DYRK1B: variants seen among roughly 807,000 people sequenced by gnomAD.
DYRK1B encodes dual specificity tyrosine-phosphorylation-regulated kinase 1B.
A neutral mutation model predicts 57.1 loss-of-function variants in DYRK1B; 20 were observed. The observed-to-expected ratio is 0.35, with a 90% CI of 0.25 to 0.51. DYRK1B has a LOEUF of 0.51. Ranked by LOEUF, DYRK1B falls within the 20% of genes least tolerant of loss-of-function variation. The pLI, the probability that DYRK1B is intolerant of heterozygous loss-of-function variation, is 0.96. For missense variants in DYRK1B, 732 were observed against 886.3 expected (o/e 0.83, Z 2.21); for synonymous variants, 409 against 384.7 (o/e 1.06, Z -0.74).
intron 1 of DYRK1B, chr19:39,833,375 C>T (rs1264121950): frequency 1.0e-6 from 1 of 984,842 alleles, no homozygotes; most frequent in Non-Finnish European, 1.2e-6. Flanking sequence ...AAAAGGCGAC[C>T]GCCTGTCTCT....
chr19:39,827,480 CCTCCAG>C, intron 7 of DYRK1B, 24 bp downstream of exon 7: 1 of 1,611,010 alleles, frequency 6.2e-7, no homozygotes, highest in African/African-American at 1.3e-5. Flanking sequence ...ACCCCCTCCA[CCTCCAG>C]CACACCCCTT....
At chr19:39,832,329 T>C (rs1315530058) in intron 1 of DYRK1B, among the ~76,000 whole-genome samples, 1 of 152,052 alleles carries the variant, frequency 6.6e-6, no homozygotes, top group African/African-American at 2.4e-5. Flanking sequence ...ACAGACAGTA[T>C]GCAGAGGAGT....
intron 1 of DYRK1B, among the ~76,000 whole-genome samples, chr19:39,832,638 G>A (rs537027271): frequency 5.3e-5 from 8 of 152,102 alleles, no homozygotes; most frequent in African/African-American, 1.9e-4. Context: ...ATAGAACAGA[G>A]TCCTATCTCT....
At position 39,825,946 on chromosome 19, in the gene DYRK1B, T is replaced by C. The variant is rs760112217; in HGVS notation, c.1659A>G (p.Pro553=). Residue 553 remains proline, a synonymous_variant, in exon 11 of 11, where the codon CCA becomes CCG. Coordinates refer to ENST00000323039, the MANE Select transcript of DYRK1B (RefSeq NM_004714.3). ...CCGGGGGTGGTGGTGAGGTTGGTGA[T>C]GGGGGACGACCAAGGTATCGGGGCT... ...PPQPRYLGRP[P]SPTSPPPPEL... is the part of the protein sequence containing the mutation. 1.6e-5 allele frequency: 24 copies of C among 1,467,450 alleles called. No individual in the cohort carries two copies. Among genetic ancestry groups the C allele is most frequent in the Non-Finnish European group, 2.1e-5 (23 of 1,110,888 alleles). The allele number at this position is 1,467,450 out of a possible 1,614,324, so 90.9% of individuals were successfully genotyped here. A position where few individuals can be genotyped will look rare whatever the true frequency, so the allele number is the denominator to read the frequency against.
intron 1 of DYRK1B, chr19:39,833,293 C>T: frequency 1.2e-5 from 12 of 985,412 alleles, no homozygotes; most frequent in Non-Finnish European, 1.4e-5. Flanking sequence ...GCGGGGCCCA[C>T]GGGGGGCTGG....
intron 2 of DYRK1B, 89 bp from the exon 3 acceptor site, chr19:39,830,872 T>C: frequency 7.0e-7 from 1 of 1,437,492 alleles, no homozygotes; most frequent in Non-Finnish European, 9.3e-7. Flanking sequence ...TGGCACATCA[T>C]GTATTTGGTT....
chr19:39,829,841 A>G, intron 5 of DYRK1B, 39 bp downstream of exon 5: 1 of 1,605,364 alleles, frequency 6.2e-7, no homozygotes, highest in Non-Finnish European at 8.5e-7. Context: ...AGCTCCCGCT[A>G]TCCCAGGTGC....
At position 39,827,299 on chromosome 19, in the gene DYRK1B, T is replaced by C. The variant is rs760289630; in HGVS notation, c.1081A>G (p.Lys361Glu). ...AGGGGCCGCACCTTCCTGAGTTCTT[T>C]CGTCCTTCGTAGGGTCCAGCCACCC... ...PGGGWTLRRT[K>E]ELRKDYQGPG... Residue 361 changes from lysine (K) to glutamate (E), a missense_variant, in exon 8 of 11, where the codon AAA (lysine) becomes GAA (glutamate). Physicochemically the swap from Lys to Glu is moderately conservative, Grantham distance 56 (BLOSUM62 1). This residue lies in a region of DYRK1B where 510 missense variants were observed against 681.3 expected (regional missense o/e 0.75). Coordinates refer to ENST00000323039, the MANE Select transcript of DYRK1B (RefSeq NM_004714.3). 3.7e-6 allele frequency: 6 copies of C among 1,611,546 alleles called. No individual in the cohort carries two copies. In the African/African-American group the frequency reaches 8.0e-5, roughly 22 times the overall value.
Position 39,830,480 on chromosome 19 carries a change from G to A in DYRK1B, c.267C>T (p.Asn89=). The A allele has an allele frequency of 6.2e-7, 1 of 1,614,230 alleles. No individual in the cohort carries two copies. The highest frequency in any genetic ancestry group is 8.5e-7 in the Non-Finnish European group (1 of 1,180,054). ...SSNKKEKKVL[N]HGYDDDNHDY... ...CATGGTTGTCGTCATCATAACCATG[G>A]TTCAGGACCTTCTTCTCCTTCTTGT... The change falls in exon 4 of 11, where the codon AAC becomes AAT. Residue 89 remains asparagine, a synonymous_variant. Transcript: ENST00000323039.
At position 39,826,082 on chromosome 19, in the gene DYRK1B, G is replaced by T. The variant is rs1476131743; in HGVS notation, c.1523C>A (p.Pro508Gln). The T allele has an allele frequency of 1.3e-6, 2 of 1,525,124 alleles. No individual in the cohort carries two copies. The highest frequency in any genetic ancestry group is 4.5e-5 in the East Asian group (2 of 43,958). The allele number at this position is 1,525,124 out of a possible 1,614,324, so 94.5% of individuals were successfully genotyped here. A position where few individuals can be genotyped will look rare whatever the true frequency, so the allele number is the denominator to read the frequency against. ...TDCEMNSPQV[P>Q]PSQPLRPWAG... ...CCAGGGCCGCAGCGGCTGGGAGGGT[G>T]GGACCTAAAAAAGCAAAGGAGCCAT... The change falls in exon 11 of 11, where the codon CCA (proline) becomes CAA (glutamine). Residue 508 changes from proline to glutamine, a missense_variant. This residue lies in a region of DYRK1B where 222 missense variants were observed against 205.0 expected (regional missense o/e 1.08). Transcript: ENST00000323039. The surrounding 1 kb of genome is among the most constrained non-coding windows in gnomAD (Gnocchi z 6.3).
In DYRK1B at chr19:39,829,891, T is replaced by C; in HGVS notation, c.509A>G (p.Lys170Arg). The C allele has an allele frequency of 6.2e-7, 1 of 1,613,644 alleles. No homozygotes were observed. Residue 170 changes from lysine (K) to arginine (R), a missense_variant, in exon 5 of 11, where the codon AAG (lysine) becomes AGG (arginine). Transcript: ENST00000323039. ...GTCCCAGGCCTCACCTATATAGTAC[T>C]TCATCTCCGTGTCATGCTGGTTCAT... The part of the protein sequence containing the change: ...ELMNQHDTEM[K>R]YYIVHLKRHF...
Position 39,828,434 on chromosome 19 carries a change from C to T in DYRK1B, c.670G>A (p.Ala224Thr), listed in dbSNP as rs993791983. The change falls in exon 6 of 11, where the codon GCA becomes ACA. Residue 224 changes from alanine to threonine, a missense_variant. Ala to Thr is a moderately conservative substitution (Grantham distance 58). Transcript: ENST00000323039. This position sits in a 1 kb window ranked among gnomAD's most constrained non-coding sequence, Gnocchi z 4.3. ...TRKLAQQLCT[A>T]LLFLATPELS... Reference sequence around the variant, plus strand: ...TCAGGCGTGGCCAGAAAGAGCAGTGCCGTGCAGAGCTGCTGCGCCAGCTTC... The same window carrying T: ...TCAGGCGTGGCCAGAAAGAGCAGTGTCGTGCAGAGCTGCTGCGCCAGCTTC... The T allele has an allele frequency of 3.1e-6, 5 of 1,613,960 alleles. No homozygotes were observed. Among genetic ancestry groups the T allele is most frequent in the Non-Finnish European group, 4.2e-6 (5 of 1,179,946 alleles).
Position 39,828,880 on chromosome 19 carries a change from T to G in DYRK1B, c.521-297A>C, listed in dbSNP as rs1402113231. Among the ~76,000 whole-genome samples, 1 of 152,222 alleles carries G rather than the reference T, an allele frequency of 6.6e-6. No individual in the cohort carries two copies. The highest frequency in any genetic ancestry group is 1.5e-5 in the Non-Finnish European group (1 of 68,034). ...TTCATAACACTGCTTTCATCTCCCT[T>G]GTATTCATTTTTGTGGCAAAGGACA... On this transcript the variant is annotated intron_variant, in intron 5 of 10. Transcript: ENST00000323039. The surrounding 1 kb of genome is among the most constrained non-coding windows in gnomAD (Gnocchi z 4.3).
intron 5 of DYRK1B, 138 bp downstream of exon 5, chr19:39,829,742 G>T: frequency 1.1e-6 from 1 of 932,412 alleles, no homozygotes; most frequent in Non-Finnish European, 1.6e-6. Context: ...AATCACTGAT[G>T]TCAGAGAAGC....
In DYRK1B at chr19:39,826,800, T is replaced by A; in HGVS notation, c.1283A>T (p.His428Leu). The A allele has an allele frequency of 6.5e-7, 1 of 1,539,038 alleles. No individual in the cohort carries two copies. The highest frequency in any genetic ancestry group is 8.7e-7 in the Non-Finnish European group (1 of 1,144,620). Residue 428 changes from histidine (H) to leucine (L), a missense_variant, in exon 9 of 11, where the codon CAC (histidine) becomes CTC (leucine). His to Leu is a moderately conservative substitution (Grantham distance 99). Transcript: ENST00000323039. The surrounding 1 kb of genome is among the most constrained non-coding windows in gnomAD (Gnocchi z 6.3). The stretch of plus-strand genomic sequence containing the variant: ...GTCGGCCGTGCGGCGGAAGAAGCCG[T>A]GCTGCAGAGCCCCCAGGGGGCTGAT... Reference protein sequence around the residue: ...ARISPLGALQHGFFRRTADEA... With the variant: ...ARISPLGALQLGFFRRTADEA...
intron 5 of DYRK1B, 37 bp downstream of exon 5, chr19:39,829,843 C>G: frequency 6.2e-7 from 1 of 1,605,828 alleles, no homozygotes; most frequent in Non-Finnish European, 8.5e-7. Flanking sequence ...CTCCCGCTAT[C>G]CCAGGTGCCC....
chr19:39,831,820 G>T lies in DYRK1B; in HGVS notation c.48C>A (p.Pro16=). 6.5e-7 allele frequency: 1 copy of T among 1,545,788 alleles called. No individual in the cohort carries two copies. Among genetic ancestry groups the T allele is most frequent in the Non-Finnish European group, 8.7e-7 (1 of 1,144,874 alleles). Residue 16 remains proline, a synonymous_variant, in exon 2 of 11, where the codon CCC becomes CCA. Coordinates refer to ENST00000323039, the MANE Select transcript of DYRK1B (RefSeq NM_004714.3). ...GAACGCGTACCTGCGTGTGCTCCTG[G>T]GGCCCTGGGAAGCCAGAGAAGGGAC... ...GHGPFSGFPG[P]QEHTQVLPDV... is the part of the protein sequence containing the mutation.
At chr19:39,829,141 G>T (rs1180555091) in intron 5 of DYRK1B, among the ~76,000 whole-genome samples, 1 of 151,700 alleles carries the variant, frequency 6.6e-6, no homozygotes, top group African/African-American at 2.4e-5. Context: ...GCACTTGAAT[G>T]CCTGAGTTTC....
Position 39,831,894 on chromosome 19 carries a change from C to A in DYRK1B, c.-27G>T, listed in dbSNP as rs1215792324. 6 of 1,459,814 alleles carry A rather than the reference C, an allele frequency of 4.1e-6. No homozygotes were observed. The highest frequency in any genetic ancestry group is 5.4e-6 in the Non-Finnish European group (6 of 1,102,930). 90.4% of individuals were successfully genotyped at this position (1,459,814 alleles called of 1,614,324 possible). ...GTGGGCTCAGAGGGCCGCAGGGGAG[C>A]GAGGCCTGGAGCGGGAGCCCGGCCG... On this transcript the variant is annotated 5_prime_UTR_variant, in exon 2 of 11. Transcript: ENST00000323039.
Sources: allele counts gnomAD v4.1 joint callset (sites outside exome capture counted in the v4.1 genomes callset), GRCh38; gene constraint gnomAD v4.1.1; regional missense constraint gnomAD v4.1.1; non-coding constraint Gnocchi (gnomAD v3.1); transcripts MANE v1.5; gene names NCBI Gene and HGNC (gene_info 2026-07-23, HGNC 2026-07-21).